The following NRXN1 variants were observed in gnomAD, a reference collection of about 807,000 sequenced individuals.
NRXN1 encodes neurexin-1.
Under a neutral mutation model 150.9 loss-of-function variants are expected in NRXN1, and 39 were observed. The ratio of observed to expected loss-of-function variants is 0.26; its 90% confidence interval spans 0.20 to 0.34. The LOEUF is 0.34. NRXN1 is among the 10% of genes least tolerant of loss of function. The pLI is 1.00. For synonymous variants in NRXN1, 924 were observed against 757.0 expected (o/e 1.22, Z -3.62); for missense variants, 1,815 against 1,949.9 (o/e 0.93, Z 1.30).
chr2:50,967,163 C>A (rs1311142031), intron 2 of NRXN1, among the ~76,000 whole-genome samples: 1 of 151,872 alleles, frequency 6.6e-6, no homozygotes, highest in African/African-American at 2.4e-5. Context: ...TAGGCTGTGG[C>A]CTTTTGTTAA....
intron 2 of NRXN1, among the ~76,000 whole-genome samples, chr2:51,016,383 T>G (rs763267875): frequency 3.3e-5 from 5 of 152,080 alleles, no homozygotes; most frequent in Non-Finnish European, 5.9e-5. Flanking sequence ...ATATCCAGAA[T>G]CTATAAGGAA....
intron 5 of NRXN1, among the ~76,000 whole-genome samples, chr2:50,851,724 G>A (rs1159225447): frequency 1.3e-5 from 2 of 152,012 alleles, no homozygotes; most frequent in Non-Finnish European, 2.9e-5. Context: ...AAAACATACA[G>A]GAGAGACCAA....
At chr2:50,055,131 T>A (rs1693397237) in intron 19 of NRXN1, 87 bp from the exon 20 acceptor site, 1 of 829,850 alleles carries the variant, frequency 1.2e-6, no homozygotes. Context: ...GCTATACAGT[T>A]GCCACATGAT....
At chr2:49,955,083 A>G (rs1205267854) in intron 21 of NRXN1, among the ~76,000 whole-genome samples, 1 of 152,198 alleles carries the variant, frequency 6.6e-6, no homozygotes, top group Admixed American at 6.6e-5. Flanking sequence ...AATAGAAGAA[A>G]TATTATACAT....
chr2:50,130,599 G>A (rs887253595), intron 18 of NRXN1, among the ~76,000 whole-genome samples: 5 of 152,088 alleles, frequency 3.3e-5, no homozygotes, highest in Non-Finnish European at 7.4e-5. Context: ...GCCTCTATTG[G>A]AAAGAAAAAC....
intron 19 of NRXN1, among the ~76,000 whole-genome samples, chr2:50,089,613 C>T (rs986936019): frequency 1.1e-4 from 17 of 151,676 alleles, no homozygotes; most frequent in African/African-American, 4.1e-4. Flanking sequence ...ATAGCGAGAC[C>T]CCCATCTCTA....
At chr2:50,571,621 T>G (rs1003937839) in intron 8 of NRXN1, among the ~76,000 whole-genome samples, 6 of 149,140 alleles carry the variant, frequency 4.0e-5, no homozygotes, top group Non-Finnish European at 9.0e-5. Context: ...AAAATGAGAT[T>G]TTTTTTTTTG....
intron 12 of NRXN1, among the ~76,000 whole-genome samples, chr2:50,512,550 T>C (rs1383716361): frequency 6.6e-6 from 1 of 152,342 alleles, no homozygotes; most frequent in African/African-American, 2.4e-5. Context: ...GATGCATAGC[T>C]ATGCTACTTA....
intron 5 of NRXN1, among the ~76,000 whole-genome samples, chr2:50,749,320 G>C (rs1357086380): frequency 6.6e-6 from 1 of 152,028 alleles, no homozygotes; most frequent in Non-Finnish European, 1.5e-5. Context: ...AATTGGACTA[G>C]TTGGTTTCTG....
chr2:50,331,157 CATT>C (rs1299156316), intron 17 of NRXN1, among the ~76,000 whole-genome samples: 4 of 151,960 alleles, frequency 2.6e-5, no homozygotes, highest in Admixed American at 2.0e-4. Flanking sequence ...TTGGAAAAGA[CATT>C]ATAAAATCTA....
At chr2:50,968,048 T>C (rs1338501252) in intron 2 of NRXN1, among the ~76,000 whole-genome samples, 1 of 152,050 alleles carries the variant, frequency 6.6e-6, no homozygotes, top group Non-Finnish European at 1.5e-5. Context: ...ATTAGAAATT[T>C]ATGATTAAAA....
At chr2:50,000,604 A>G (rs1053362356) in intron 21 of NRXN1, among the ~76,000 whole-genome samples, 7 of 152,206 alleles carry the variant, frequency 4.6e-5, no homozygotes, top group African/African-American at 1.7e-4. Flanking sequence ...GATTTATATA[A>G]AGTTGCTCTG....
chr2:50,657,150 T>A (rs1686604373), intron 5 of NRXN1, among the ~76,000 whole-genome samples: 1 of 152,004 alleles, frequency 6.6e-6, no homozygotes, highest in Non-Finnish European at 1.5e-5. Context: ...ATTTCATCTG[T>A]GGGCTCATCT....
chr2:50,867,030 T>C (rs1677033661), intron 5 of NRXN1, among the ~76,000 whole-genome samples: 1 of 151,904 alleles, frequency 6.6e-6, no homozygotes, highest in African/African-American at 2.4e-5. Context: ...CAATTTTTCA[T>C]TTCAGTGCTA....
intron 18 of NRXN1, among the ~76,000 whole-genome samples, chr2:50,191,289 C>T (rs947340360): frequency 2.0e-5 from 3 of 151,916 alleles, no homozygotes; most frequent in Non-Finnish European, 4.4e-5. Flanking sequence ...ATCCACCTGC[C>T]TCAGCCTCCC....
At chr2:50,979,685 T>C (rs78394922) in intron 2 of NRXN1, among the ~76,000 whole-genome samples, 275 of 152,210 alleles carry the variant, frequency 1.8e-3, no homozygotes, top group African/African-American at 6.4e-3. Flanking sequence ...GGTCAACCTG[T>C]AAAACCCCAT....
chr2:51,010,100 A>T (rs932259351), intron 2 of NRXN1, among the ~76,000 whole-genome samples: 3 of 151,980 alleles, frequency 2.0e-5, no homozygotes, highest in African/African-American at 7.2e-5. Context: ...AAATCCCTGG[A>T]AAGTCATATA....
At chr2:50,714,740 C>T (rs1353922642) in intron 5 of NRXN1, among the ~76,000 whole-genome samples, 1 of 152,074 alleles carries the variant, frequency 6.6e-6, no homozygotes, top group Non-Finnish European at 1.5e-5. Context: ...TGCTGAGTAG[C>T]CTTGGAAACA....
intron 19 of NRXN1, among the ~76,000 whole-genome samples, chr2:50,057,217 C>G (rs148308329): frequency 6.6e-6 from 1 of 152,188 alleles, no homozygotes; most frequent in Admixed American, 6.5e-5. Flanking sequence ...TCCCCTCTCA[C>G]GGCCATCACT....
Sources: allele counts gnomAD v4.1 joint callset (sites outside exome capture counted in the v4.1 genomes callset), GRCh38; gene constraint gnomAD v4.1.1; transcripts MANE v1.5; gene names NCBI Gene and HGNC (gene_info 2026-07-23, HGNC 2026-07-21).